TMEM165: variants seen among roughly 807,000 people sequenced by gnomAD.
The protein encoded by TMEM165 is transmembrane protein 165.
Under a neutral mutation model 30.0 loss-of-function variants are expected in TMEM165, and 19 were observed. That is an observed-to-expected ratio of 0.63 (90% confidence interval 0.44 to 0.93). The LOEUF (loss-of-function observed/expected upper bound fraction) is 0.93, where lower values mean the gene tolerates loss of function less well. TMEM165 is among the 40% of genes least tolerant of loss of function. The pLI is 0.00. For missense variants in TMEM165, 340 were observed against 417.0 expected, an observed-to-expected ratio of 0.82 and a Z score of 1.61; for synonymous variants, 168 against 162.9, an observed-to-expected ratio of 1.03 and a Z score of -0.24.
At chr4:55,409,432 A>G (rs1435122508) in intron 1 of TMEM165, among the ~76,000 whole-genome samples, 2 of 152,152 alleles carry the variant, frequency 1.3e-5, no homozygotes, top group East Asian at 1.9e-4. Context: ...GTTTCTAGAG[A>G]TTCATAAGCT....
At chr4:55,445,317 A>C (rs1723719927) in intron 3 of TMEM165, among the ~76,000 whole-genome samples, 1 of 152,098 alleles carries the variant, frequency 6.6e-6, no homozygotes, top group Non-Finnish European at 1.5e-5. Flanking sequence ...ATGACATCCT[A>C]GTGGGCAGCT....
exon 4 of TMEM165, chr4:55,452,903 A>T: frequency 1.7e-6 from 1 of 584,762 alleles, no homozygotes; most frequent in East Asian, 3.1e-5. Context: ...TAAAATATTA[A>T]ATTAAAAATA....
intron 1 of TMEM165, among the ~76,000 whole-genome samples, chr4:55,405,197 G>A (rs374113525): frequency 9.2e-5 from 14 of 152,266 alleles, no homozygotes; most frequent in African/African-American, 3.4e-4. Flanking sequence ...ACCAGATAGA[G>A]TACGTCCTCA....
intron 4 of TMEM165, among the ~76,000 whole-genome samples, chr4:55,420,106 A>AAAAAAAAAAAAT (rs1474254120): frequency 1.5e-4 from 7 of 45,436 alleles, no homozygotes; most frequent in Non-Finnish European, 2.1e-4. Context: ...AAGAAAAAAA[A>AAAAAAAAAAAAT]ATATATATAT....
chr4:55,452,788 T>C, exon 4 of TMEM165: 1 of 270,776 alleles, frequency 3.7e-6, no homozygotes, highest in Non-Finnish European at 7.0e-6. Context: ...TCATAATTCA[T>C]ATAAATAACC....
chr4:55,443,952 G>C (rs1476784542), intron 3 of TMEM165: 1 of 1,508,170 alleles, frequency 6.6e-7, no homozygotes, highest in Non-Finnish European at 9.1e-7. Context: ...AGAAGAATGA[G>C]CATTAAAAAG....
At chr4:55,419,740 TC>T (rs1721887502) in intron 4 of TMEM165, among the ~76,000 whole-genome samples, 1 of 152,042 alleles carries the variant, frequency 6.6e-6, no homozygotes, top group South Asian at 2.1e-4. Flanking sequence ...TGTTTCTAAT[TC>T]CTTGGAACTA....
At chr4:55,453,244 TA>T in exon 4 of TMEM165, 1 of 877,982 alleles carries the variant, frequency 1.1e-6, no homozygotes, top group Non-Finnish European at 1.9e-6. Context: ...GACTATTTGC[TA>T]TGTGCTACAC....
In TMEM165 at chr4:55,396,379, G is replaced by A; in HGVS notation, c.190G>A (p.Glu64Lys). The A allele has an allele frequency of 2.7e-6, 4 of 1,494,918 alleles. No homozygotes were observed. Among genetic ancestry groups the A allele is most frequent in the Admixed American group, 2.2e-5 (1 of 45,294 alleles). 92.6% of individuals were successfully genotyped at this position (1,494,918 alleles called of 1,614,324 possible). The change falls in exon 1 of 6, where the codon GAG (glutamate) becomes AAG (lysine). Residue 64 changes from glutamate to lysine, a missense_variant. Glu to Lys is a moderately conservative substitution (Grantham distance 56). Around this residue, in one of 2 missense-constraint regions of TMEM165, gnomAD observed 120 missense variants for 109.4 expected, o/e 1.10. Coordinates refer to ENST00000381334, the MANE Select transcript of TMEM165 (RefSeq NM_018475.5). ...GCAGCCTGTGGCTGTGCAGGGCCCC[G>A]AGCCGGCCCGGGTCGAGGTGAGCGG... Reference protein sequence around the residue: ...QPQPVAVQGPEPARVEKIFTP... With the variant: ...QPQPVAVQGPKPARVEKIFTP...
intron 1 of TMEM165, among the ~76,000 whole-genome samples, chr4:55,405,767 C>T (rs956259374): frequency 4.6e-5 from 7 of 152,170 alleles, no homozygotes; most frequent in Non-Finnish European, 7.4e-5. Context: ...GCTGATACTC[C>T]CCACTCTGCC....
In TMEM165 at chr4:55,396,400, A is replaced by AGCGGGCCGGGATGGGGCGAGCGAG; in HGVS notation, c.207+7_207+30dup. 6.8e-7 allele frequency: 1 copy of AGCGGGCCGGGATGGGGCGAGCGAG among 1,475,432 alleles called. No homozygotes were observed. Among genetic ancestry groups the AGCGGGCCGGGATGGGGCGAGCGAG allele is most frequent in the Non-Finnish European group, 8.9e-7 (1 of 1,119,246 alleles). The allele number at this position is 1,475,432 out of a possible 1,614,324, so 91.4% of individuals were successfully genotyped here. A position where few individuals can be genotyped will look rare whatever the true frequency, so the allele number is the denominator to read the frequency against. ...CCCCGAGCCGGCCCGGGTCGAGGTG[A>AGCGGGCCGGGATGGGGCGAGCGAG]GCGGGCCGGGATGGGGCGAGCGAGG... On this transcript the variant is annotated splice_donor_region_variant and intron_variant, in intron 1 of 5. Coordinates refer to ENST00000381334, the MANE Select transcript of TMEM165 (RefSeq NM_018475.5).
intron 2 of TMEM165, among the ~76,000 whole-genome samples, chr4:55,414,261 C>T (rs1294686850): frequency 2.1e-5 from 3 of 143,374 alleles, no homozygotes; most frequent in African/African-American, 7.6e-5. Flanking sequence ...CAGAGTGAGA[C>T]TCCGTCTCAA....
chr4:55,448,598 G>GCGCA (rs1560421272), intron 3 of TMEM165, among the ~76,000 whole-genome samples: 1 of 73,982 alleles, frequency 1.4e-5, no homozygotes, highest in Non-Finnish European at 2.5e-5. Context: ...GCGCGCACGC[G>GCGCA]CGCGTGTGTG....
At chr4:55,403,422 TTC>T in intron 1 of TMEM165, 1 of 621,568 alleles carries the variant, frequency 1.6e-6, no homozygotes, top group South Asian at 2.8e-5. Context: ...TTCTTTGATT[TTC>T]TTTTTCTTCC....
intron 3 of TMEM165, 200 bp from the exon 4 acceptor site, chr4:55,417,603 G>A (rs1488833957): frequency 3.4e-6 from 2 of 586,546 alleles, no homozygotes; most frequent in Admixed American, 6.6e-5. Context: ...GTTCAGCTGA[G>A]GAGAAACGGA....
Position 55,417,739 on chromosome 4 carries a change from T to C in TMEM165, c.610-64T>C, listed in dbSNP as rs560412743. The C allele has an allele frequency of 3.5e-5, 45 of 1,302,256 alleles. No individual in the cohort carries two copies. The African/African-American group carries it at 5.6e-4, about 16-fold the overall frequency. 80.7% of individuals were successfully genotyped at this position (1,302,256 alleles called of 1,614,324 possible). A position where few individuals can be genotyped will look rare whatever the true frequency, so the allele number is the denominator to read the frequency against. On this transcript the variant is annotated intron_variant, in intron 3 of 5. Coordinates refer to ENST00000381334, the MANE Select transcript of TMEM165 (RefSeq NM_018475.5). ...AATTTAAACACTTAGAAAAGTCAAG[T>C]GATTTGTGTGCTATTTTGATTTGCT...
intron 3 of TMEM165, chr4:55,449,351 T>A (rs1348390079): frequency 6.7e-7 from 1 of 1,503,014 alleles, no homozygotes; most frequent in Non-Finnish European, 9.3e-7. Context: ...ATTTTTCCCC[T>A]CTTAATAAAT....
chr4:55,407,199 T>C (rs1284215337), intron 1 of TMEM165, among the ~76,000 whole-genome samples: 2 of 152,080 alleles, frequency 1.3e-5, no homozygotes, highest in South Asian at 2.1e-4. Context: ...TTGAGGAATC[T>C]GGATGAAGAG....
At chr4:55,410,732 G>A (rs1031061569) in intron 1 of TMEM165, among the ~76,000 whole-genome samples, 17 of 152,058 alleles carry the variant, frequency 1.1e-4, no homozygotes, top group African/African-American at 2.9e-4. Flanking sequence ...GCTTCCCGTC[G>A]TTCAAATGTT....
Sources: allele counts gnomAD v4.1 joint callset (sites outside exome capture counted in the v4.1 genomes callset), GRCh38; gene constraint gnomAD v4.1.1; regional missense constraint gnomAD v4.1.1; transcripts MANE v1.5; gene names NCBI Gene and HGNC (gene_info 2026-07-23, HGNC 2026-07-21).